MBTPS1: variants seen among roughly 807,000 people sequenced by gnomAD.
MBTPS1 encodes membrane bound transcription factor peptidase, site 1.
MBTPS1 carries 94 observed loss-of-function variants against 127.8 expected under a neutral mutation model. The observed-to-expected ratio is 0.74, with a 90% CI of 0.62 to 0.87. The LOEUF is 0.87. Among genes scored for constraint, MBTPS1 ranks in the 40% least tolerant of loss-of-function variants. The probability of loss-of-function intolerance (pLI) is 0.00; values close to 1 mark genes in which losing one functional copy is unlikely to be tolerated. For missense variants in MBTPS1, 1,636 were observed against 1,353.2 expected (o/e 1.21, Z -3.28); for synonymous variants, 632 against 509.4 (o/e 1.24, Z -3.24).
chr16:84,088,196 T>C (rs999432451), intron 8 of MBTPS1, among the ~76,000 whole-genome samples: 3 of 152,194 alleles, frequency 2.0e-5, no homozygotes, highest in Admixed American at 1.3e-4. Flanking sequence ...AGCTTTATTA[T>C]GGCTCCACTA....
Position 84,069,968 on chromosome 16 carries a change from G to C in MBTPS1, c.1853C>G (p.Pro618Arg), listed in dbSNP as rs140160203. The C allele has an allele frequency of 1.9e-6, 3 of 1,613,990 alleles. No individual in the cohort carries two copies. The highest frequency in any genetic ancestry group is 1.1e-5 in the South Asian group (1 of 91,080). The change falls in exon 14 of 23, where the codon CCG becomes CGG. Residue 618 changes from proline to arginine, a missense_variant. Pro to Arg is a moderately radical substitution (Grantham distance 103). Transcript: ENST00000343411. Reference protein sequence around the residue: ...PIKVKIIPTPPRSKRVLWDQY... With the variant: ...PIKVKIIPTPRRSKRVLWDQY... ...ATCCCAGAGAACTCTCTTGCTTCGC[G>C]GGGGAGTAGGAATTATCTTCACCTT...
chr16:84,107,566 T>C (rs184687334), intron 1 of MBTPS1, among the ~76,000 whole-genome samples: 17 of 152,228 alleles, frequency 1.1e-4, no homozygotes, highest in African/African-American at 3.9e-4. Context: ...TTCCCAATCC[T>C]AGAATAAGGT....
rs139554174 is a variant in MBTPS1 at position 84,056,026 on chromosome 16, C to T, written c.2941G>A (p.Gly981Ser). The change falls in exon 22 of 23, where the codon GGC becomes AGC. Residue 981 changes from glycine (G) to serine (S), a missense_variant. Physicochemically the swap from Gly to Ser is moderately conservative, Grantham distance 56. Transcript: ENST00000343411. ...TCACCTCCAGGAATGTCCCAGGCGCCGCTCTCTCCAGGGGACAAGGGCCTC... is the reference window on the plus strand; with the variant it reads ...TCACCTCCAGGAATGTCCCAGGCGCTGCTCTCTCCAGGGGACAAGGGCCTC... ...QVRPLSPGES[G>S]AWDIPGGIMP... is the part of the protein sequence containing the mutation. 6.5e-3 allele frequency: 10,490 copies of T among 1,613,366 alleles called. 53 individuals carry two copies. The highest frequency in any genetic ancestry group is 7.6e-3 in the Non-Finnish European group (9,013 of 1,179,718).
At chr16:84,093,625 T>A in intron 5 of MBTPS1, 86 bp downstream of exon 5, 1 of 968,848 alleles carries the variant, frequency 1.0e-6, no homozygotes, top group Non-Finnish European at 1.6e-6. Flanking sequence ...CTTGTCTGAA[T>A]AATTGCTGGA....
chr16:84,107,619 A>G (rs900450144), intron 1 of MBTPS1, among the ~76,000 whole-genome samples: 5 of 152,206 alleles, frequency 3.3e-5, no homozygotes, highest in Non-Finnish European at 5.9e-5. Context: ...CAAAAATGCC[A>G]TAACGGGGGC....
chr16:84,113,647 C>T (rs1402923357), intron 1 of MBTPS1, among the ~76,000 whole-genome samples: 1 of 152,196 alleles, frequency 6.6e-6, no homozygotes, highest in East Asian at 1.9e-4. Flanking sequence ...AACTAAAATA[C>T]ATCTGAAATT....
At chr16:84,116,132 T>A (rs2151178236) in intron 1 of MBTPS1, among the ~76,000 whole-genome samples, 1 of 152,322 alleles carries the variant, frequency 6.6e-6, no homozygotes, top group African/African-American at 2.4e-5. Flanking sequence ...ATCTAATAAC[T>A]TAATTTGTGT....
chr16:84,089,234 TGGCCAACTACGGCCCATG>T (rs1456380504), intron 8 of MBTPS1, among the ~76,000 whole-genome samples: 3 of 152,264 alleles, frequency 2.0e-5, no homozygotes, highest in Non-Finnish European at 2.9e-5. Flanking sequence ...TGGCTGGAGT[TGGCCAACTACGGCCCATG>T]GGCCAAACCA....
Position 84,099,258 on chromosome 16 carries a change from A to G in MBTPS1, c.216T>C (p.Phe72=), listed in dbSNP as rs2086221757. ...GYFTAKARNS[F]ISSALKSSEV... Reference sequence around the variant, plus strand: ...CACTGCTCTTCAGGGCACTTGAAATAAATGAATTTCTAGCTTTGGCTGTAA... The same window carrying G: ...CACTGCTCTTCAGGGCACTTGAAATGAATGAATTTCTAGCTTTGGCTGTAA... Residue 72 remains phenylalanine, a synonymous_variant, in exon 3 of 23, where the codon TTT becomes TTC. Coordinates refer to ENST00000343411, the MANE Select transcript of MBTPS1 (RefSeq NM_003791.4). 4 of 1,614,174 alleles carry G rather than the reference A, an allele frequency of 2.5e-6. No individual in the cohort carries two copies. In the South Asian group the frequency reaches 3.3e-5, roughly 13 times the overall value.
At chr16:84,077,292 G>A (rs1423835392) in intron 11 of MBTPS1, among the ~76,000 whole-genome samples, 7 of 143,230 alleles carry the variant, frequency 4.9e-5, no homozygotes, top group Non-Finnish European at 9.2e-5. Context: ...GAATACCCAA[G>A]AAAACAACGA....
chr16:84,058,042 T>C (rs967916153), intron 21 of MBTPS1: 2 of 152,190 alleles, frequency 1.3e-5, no homozygotes, highest in Non-Finnish European at 2.9e-5. Context: ...TAGAAGGTTA[T>C]AAATAAATAA....
In MBTPS1 at chr16:84,072,641, T is replaced by G. The variant is rs535267867; in HGVS notation, c.1594-1865A>C. On this transcript the variant is annotated intron_variant, in intron 12 of 22. Transcript: ENST00000343411. The stretch of plus-strand genomic sequence containing the variant: ...CCGTCTCTACTAAAAATACAAAAAA[T>G]TAGCCGGGCATGGTGGTGGGCGCCT... Among the ~76,000 whole-genome samples the G allele has an allele frequency of 1.8e-3, 274 of 152,194 alleles. 1 individual carries two copies. The highest frequency in any genetic ancestry group is 8.6e-3 in the Admixed American group (131 of 15,300).
chr16:84,067,211 C>G (rs2085698197), intron 16 of MBTPS1, among the ~76,000 whole-genome samples: 1 of 152,080 alleles, frequency 6.6e-6, no homozygotes, highest in African/African-American at 2.4e-5. Context: ...AAGTTTAAAC[C>G]TGAAGTATCT....
intron 11 of MBTPS1, 139 bp from the exon 12 acceptor site, chr16:84,074,880 G>C: frequency 2.8e-6 from 2 of 708,008 alleles, no homozygotes; most frequent in Non-Finnish European, 4.6e-6. Context: ...GCTGGCATCT[G>C]GGAACTTGGC....
At chr16:84,115,995 C>T (rs1002494317) in intron 1 of MBTPS1, among the ~76,000 whole-genome samples, 1 of 151,982 alleles carries the variant, frequency 6.6e-6, no homozygotes, top group Non-Finnish European at 1.5e-5. Context: ...CCCTCCTTTT[C>T]GTAGACATAC....
intron 1 of MBTPS1, among the ~76,000 whole-genome samples, chr16:84,112,219 A>G (rs376050930): frequency 6.6e-6 from 1 of 152,106 alleles, no homozygotes; most frequent in African/African-American, 2.4e-5. Context: ...ATGACAACAA[A>G]AAAAACCACT....
rs1247876321 is a variant in MBTPS1 at position 84,074,592 on chromosome 16, T to G, written c.1593+5A>C. 3 of 1,613,186 alleles carry G rather than the reference T, an allele frequency of 1.9e-6. No individual in the cohort carries two copies. The highest frequency in any genetic ancestry group is 2.5e-6 in the Non-Finnish European group (3 of 1,179,444). On this transcript the variant is annotated splice_donor_5th_base_variant and intron_variant, in intron 12 of 22. Transcript: ENST00000343411. Reference sequence around the variant, plus strand: ...GTCAGAGACCAAGTCAGAGAGAAGTTTCACCTTATCTACAATTCTTCCTGT... The same window carrying G: ...GTCAGAGACCAAGTCAGAGAGAAGTGTCACCTTATCTACAATTCTTCCTGT...
At chr16:84,098,607 C>CA (rs1216412030) in intron 3 of MBTPS1, among the ~76,000 whole-genome samples, 1 of 151,622 alleles carries the variant, frequency 6.6e-6, no homozygotes, top group South Asian at 2.1e-4. Context: ...AACTCCGTCT[C>CA]AAAAAAATAA....
chr16:84,058,890 G>C (rs1004687711), intron 21 of MBTPS1, among the ~76,000 whole-genome samples: 1 of 152,112 alleles, frequency 6.6e-6, no homozygotes, highest in Non-Finnish European at 1.5e-5. Context: ...GCTCTTCTTG[G>C]ACAGGCTGCA....
Sources: gnomAD v4.1 joint callset for allele counts (sites outside exome capture counted in the v4.1 genomes callset) on GRCh38, gnomAD v4.1.1 for gene constraint, MANE v1.5 for transcripts, NCBI Gene and HGNC (gene_info 2026-07-23, HGNC 2026-07-21) for gene names.